Variants in TMPRSS6 observed in about 807,000 individuals in gnomAD.
TMPRSS6 encodes the protein transmembrane serine protease 6.
A neutral mutation model predicts 101.5 loss-of-function variants in TMPRSS6; 67 were observed. That is an observed-to-expected ratio of 0.66 (90% CI 0.54 to 0.81). The LOEUF (loss-of-function observed/expected upper bound fraction) is 0.81, where lower values mean the gene tolerates loss of function less well. Ranked by LOEUF, TMPRSS6 falls within the 30% of genes least tolerant of loss-of-function variation. The pLI is 0.00. For missense variants in TMPRSS6, 1,034 were observed against 1,088.7 expected, an observed-to-expected ratio of 0.95 and a Z score of 0.71; for synonymous variants, 453 against 464.9, an observed-to-expected ratio of 0.97 and a Z score of 0.33.
At chr22:37,078,412 C>T (rs1290392086) in intron 10 of TMPRSS6, among the ~76,000 whole-genome samples, 3 of 152,140 alleles carry the variant, frequency 2.0e-5, no homozygotes, top group Non-Finnish European at 4.4e-5. Flanking sequence ...TTCCCCAGGG[C>T]CTCACCGTGT....
chr22:37,102,283 C>T (rs948215964), intron 2 of TMPRSS6, among the ~76,000 whole-genome samples: 3 of 152,216 alleles, frequency 2.0e-5, no homozygotes, highest in Non-Finnish European at 2.9e-5. Context: ...TATGCTTTAG[C>T]GTAAATGTCA....
At position 37,069,047 on chromosome 22, in the gene TMPRSS6, TC is replaced by T; in HGVS notation, c.2113+25del. The T allele has an allele frequency of 6.5e-7, 1 of 1,534,420 alleles. No homozygotes were observed. The highest frequency in any genetic ancestry group is 8.7e-7 in the Non-Finnish European group (1 of 1,146,530). ...CAGATCCGCACGGTCTCCCTCCGCC[TC>T]CCGCCGCAAGTCCCCGCTGCTCACC... On this transcript the variant is annotated intron_variant, in intron 16 of 17. Coordinates refer to ENST00000676104, the MANE Select transcript of TMPRSS6 (RefSeq NM_001374504.1). This position sits in a 1 kb window ranked among gnomAD's most constrained non-coding sequence, Gnocchi z 4.8.
At chr22:37,094,510 C>G (rs967130744) in intron 6 of TMPRSS6, among the ~76,000 whole-genome samples, 2 of 144,216 alleles carry the variant, frequency 1.4e-5, no homozygotes, top group African/African-American at 2.7e-5. Context: ...AGTTAGATAA[C>G]TAGATAGACA....
chr22:37,105,813 GT>G (rs1418704733), intron 1 of TMPRSS6, among the ~76,000 whole-genome samples: 3 of 152,120 alleles, frequency 2.0e-5, no homozygotes, highest in African/African-American at 7.2e-5. Flanking sequence ...GGGACTACAG[GT>G]GCACCAGCAC....
At chr22:37,105,529 C>A (rs894581482) in intron 1 of TMPRSS6, among the ~76,000 whole-genome samples, 3 of 152,210 alleles carry the variant, frequency 2.0e-5, no homozygotes, top group African/African-American at 7.2e-5. Context: ...CCTGGGCTGG[C>A]CACCTCTGAC....
rs1015203131 is a variant in TMPRSS6, at chr22:37,067,385, G to A, written c.2114-423C>T. 5.3e-5 allele frequency among the ~76,000 whole-genome samples: 8 copies of A among 152,120 alleles called. No individual in the cohort carries two copies. The South Asian group carries it at 6.2e-4, about 12-fold the overall frequency. ...CTCAGGAGGCTGAGGCAGGAGAACC[G>A]CTTGAACCCGGGAGGAGGGGGATCC... On this transcript the variant is annotated intron_variant, in intron 16 of 17. Transcript: ENST00000676104.
At chr22:37,085,090 G>A (rs552294885) in intron 8 of TMPRSS6, among the ~76,000 whole-genome samples, 35 of 152,302 alleles carry the variant, frequency 2.3e-4, no homozygotes, top group Admixed American at 5.2e-4. Flanking sequence ...GTAAGTGCTC[G>A]ATCCGTGTTA....
chr22:37,096,223 G>A, intron 4 of TMPRSS6, 133 bp from the exon 5 acceptor site: 4 of 1,030,314 alleles, frequency 3.9e-6, no homozygotes, highest in Non-Finnish European at 5.9e-6. Flanking sequence ...AAGCCTCCTA[G>A]CGACCTCTGA....
At chr22:37,080,378 T>G (rs556449185) in intron 10 of TMPRSS6, 1 of 152,384 alleles carries the variant, frequency 6.6e-6, no homozygotes, top group East Asian at 1.9e-4. Flanking sequence ...CGCTGGCACT[T>G]GAGGGTTAAG....
chr22:37,075,499 C>T (rs1927557137), intron 10 of TMPRSS6, among the ~76,000 whole-genome samples: 1 of 152,298 alleles, frequency 6.6e-6, no homozygotes, highest in East Asian at 1.9e-4. Flanking sequence ...TTCAATGGCT[C>T]CCCATTGCCT....
At chr22:37,106,376 G>A (rs915845015) in intron 1 of TMPRSS6, among the ~76,000 whole-genome samples, 2 of 152,064 alleles carry the variant, frequency 1.3e-5, no homozygotes, top group African/African-American at 4.8e-5. Context: ...GGGGTGCTTG[G>A]TGGGCCTCCC....
At chr22:37,083,101 A>C (rs528814238) in intron 10 of TMPRSS6, 3 of 470,900 alleles carry the variant, frequency 6.4e-6, no homozygotes, top group East Asian at 6.9e-5. Context: ...GAAATCAAGA[A>C]ATGACAAATC....
At chr22:37,090,879 G>A (rs1046840683) in intron 6 of TMPRSS6, among the ~76,000 whole-genome samples, 3 of 152,142 alleles carry the variant, frequency 2.0e-5, no homozygotes, top group African/African-American at 7.2e-5. Flanking sequence ...GAGCAGGTAG[G>A]GCTGGGGAGA....
intron 11 of TMPRSS6, 106 bp from the exon 12 acceptor site, chr22:37,074,814 T>A: frequency 8.4e-7 from 1 of 1,193,250 alleles, no homozygotes; most frequent in Non-Finnish European, 1.2e-6. Flanking sequence ...CACACGCGCA[T>A]GGACAGGCAC....
Position 37,069,095 on chromosome 22 carries a change from G to C in TMPRSS6, c.2091C>G (p.Gly697=). 1.9e-6 allele frequency: 3 copies of C among 1,549,170 alleles called. No homozygotes were observed. The highest frequency in any genetic ancestry group is 2.6e-6 in the Non-Finnish European group (3 of 1,151,548). The part of the protein sequence containing the change: ...FEPGLHCWIT[G]WGALREGGPI... ...CACCGCCCTCGCGCAAGGCGCCCCA[G>C]CCCGTAATCCAGCAGTGCAGGCCGG... The change falls in exon 16 of 18, where the codon GGC becomes GGG. Residue 697 remains glycine, a synonymous_variant. Coordinates refer to ENST00000676104, the MANE Select transcript of TMPRSS6 (RefSeq NM_001374504.1). The surrounding 1 kb of genome is among the most constrained non-coding windows in gnomAD (Gnocchi z 4.8).
intron 8 of TMPRSS6, 129 bp from the exon 9 acceptor site, chr22:37,084,968 G>A: frequency 1.4e-6 from 1 of 723,000 alleles, no homozygotes; most frequent in Non-Finnish European, 2.5e-6. Context: ...GTGATTGTGT[G>A]AATCTGGGTC....
chr22:37,104,124 G>A (rs1182833592), intron 1 of TMPRSS6, among the ~76,000 whole-genome samples: 2 of 152,176 alleles, frequency 1.3e-5, no homozygotes, highest in Admixed American at 6.5e-5. Flanking sequence ...CCCACACCAC[G>A]TGGGTACTTC....
chr22:37,073,646 CTG>C lies in TMPRSS6; in HGVS notation c.1442-3_1442-2del. 1 of 1,609,424 alleles carries C rather than the reference CTG, an allele frequency of 6.2e-7. No individual in the cohort carries two copies. Among genetic ancestry groups the C allele is most frequent in the African/African-American group, 1.3e-5 (1 of 74,948 alleles). ...TTGCACTGGAATGTGGCTCTGCAAA[CTG>C]TGTGGGGACACAGAGAGGGGACAGG... On this transcript the variant is annotated splice_acceptor_variant and splice_polypyrimidine_tract_variant and intron_variant, in intron 12 of 17. Transcript: ENST00000676104. LOFTEE classifies it high-confidence loss of function.
intron 6 of TMPRSS6, among the ~76,000 whole-genome samples, chr22:37,091,675 A>G (rs1167570469): frequency 1.3e-5 from 2 of 152,192 alleles, no homozygotes; most frequent in Non-Finnish European, 2.9e-5. Flanking sequence ...CTGACTTACT[A>G]TTGGTTGCAG....
Sources: gnomAD v4.1 joint callset for allele counts (sites outside exome capture counted in the v4.1 genomes callset) on GRCh38, gnomAD v4.1.1 for gene constraint, Gnocchi (gnomAD v3.1) non-coding constraint, MANE v1.5 for transcripts, NCBI Gene and HGNC (gene_info 2026-07-23, HGNC 2026-07-21) for gene names.